The following MTCL2 variants were observed in gnomAD, a reference collection of about 807,000 sequenced individuals.
The protein encoded by MTCL2 is microtubule cross-linking factor 2.
the MTCL2 span, among the ~76,000 whole-genome samples, chr20:36,816,867 T>G: frequency 6.6e-6 from 1 of 152,238 alleles, no homozygotes; most frequent in Non-Finnish European, 1.5e-5. Flanking sequence ...ACTGTAGTGC[T>G]GCTTGCTAAG....
At chr20:36,817,565 C>T in the MTCL2 span, 2 of 1,267,394 alleles carry the variant, frequency 1.6e-6, no homozygotes, top group Non-Finnish European at 2.1e-6. Flanking sequence ...GCCCAGGGTC[C>T]AGGGAGGGCC....
chr20:36,786,106 C>G, the MTCL2 span: 1 of 989,950 alleles, frequency 1.0e-6, no homozygotes, highest in Non-Finnish European at 1.2e-6. Context: ...TCCTTTTCCC[C>G]AAAGGCATGG....
At chr20:36,797,048 C>T in the MTCL2 span, 1 of 1,078,762 alleles carries the variant, frequency 9.3e-7, no homozygotes, top group Admixed American at 1.8e-5. Flanking sequence ...GCTTGAATCT[C>T]CTCATCCGGA....
At chr20:36,791,469 C>T in the MTCL2 span, among the ~76,000 whole-genome samples, 2 of 152,166 alleles carry the variant, frequency 1.3e-5, no homozygotes, top group African/African-American at 4.8e-5. Flanking sequence ...TAGAAACCAC[C>T]TAAACGTACA....
the MTCL2 span, chr20:36,815,553 G>A: frequency 6.4e-7 from 1 of 1,571,838 alleles, no homozygotes; most frequent in Non-Finnish European, 8.6e-7. This position sits in a 1 kb window ranked among gnomAD's most constrained non-coding sequence, Gnocchi z 5.3. Context: ...CAGGGGAGCA[G>A]GCACACACTG....
the MTCL2 span, among the ~76,000 whole-genome samples, chr20:36,819,343 T>TG: frequency 5.6e-3 from 860 of 152,256 alleles, 8 homozygotes; most frequent in African/African-American, 0.02. Context: ...TTTGGATACA[T>TG]GCTTGCTCCA....
chr20:36,796,818 G>A, the MTCL2 span: 1 of 1,527,470 alleles, frequency 6.5e-7, no homozygotes, highest in South Asian at 1.1e-5. Context: ...GCAGCAGGAG[G>A]TGGAGAGGGG....
At chr20:36,787,239 T>G in the MTCL2 span, among the ~76,000 whole-genome samples, 1 of 152,126 alleles carries the variant, frequency 6.6e-6, no homozygotes, top group Non-Finnish European at 1.5e-5. Context: ...TTTATTTTTT[T>G]ATTTTTTAGA....
the MTCL2 span, chr20:36,786,254 C>T: frequency 8.2e-7 from 1 of 1,222,958 alleles, no homozygotes; most frequent in Non-Finnish European, 1.0e-6. Context: ...TGGTCTCTCT[C>T]CCACTCACTG....
chr20:36,799,494 AAAATAAATAAATAAAT>A, the MTCL2 span, among the ~76,000 whole-genome samples: 2,506 of 147,100 alleles, frequency 0.017, 64 homozygotes, highest in African/African-American at 0.059. Flanking sequence ...CTCCATCTCA[AAAATAAATAAATAAAT>A]AAATAAATAA....
the MTCL2 span, among the ~76,000 whole-genome samples, chr20:36,791,312 C>T: frequency 6.6e-6 from 1 of 152,224 alleles, no homozygotes; most frequent in South Asian, 2.1e-4. Flanking sequence ...GGATTACAGG[C>T]ATGAGCCACC....
chr20:36,806,338 A>G, the MTCL2 span, among the ~76,000 whole-genome samples: 1 of 152,284 alleles, frequency 6.6e-6, no homozygotes, highest in African/African-American at 2.4e-5. Flanking sequence ...GATGGAAATA[A>G]GACAAAAGGG....
the MTCL2 span, among the ~76,000 whole-genome samples, chr20:36,831,620 C>T: frequency 3.3e-5 from 5 of 152,080 alleles, no homozygotes; most frequent in Non-Finnish European, 7.4e-5. Context: ...CAGGCATGGC[C>T]TCTCCCTCCC....
chr20:36,853,879 G>A, the MTCL2 span, among the ~76,000 whole-genome samples: 4 of 152,306 alleles, frequency 2.6e-5, no homozygotes, highest in South Asian at 4.1e-4. Flanking sequence ...GGGCATTCGT[G>A]TCAGGAAGCG....
chr20:36,807,214 G>T, the MTCL2 span, among the ~76,000 whole-genome samples: 1 of 152,202 alleles, frequency 6.6e-6, no homozygotes, highest in Admixed American at 6.5e-5. Flanking sequence ...CTGCGAGAAT[G>T]ATGAGCCCCA....
chr20:36,840,520 AG>A, the MTCL2 span, among the ~76,000 whole-genome samples: 2,938 of 151,830 alleles, frequency 0.019, 107 homozygotes, highest in African/African-American at 0.068. Context: ...CAGAAGCAAC[AG>A]GAACACACTG....
At chr20:36,815,947 C>T in the MTCL2 span, 45 of 1,613,030 alleles carry the variant, frequency 2.8e-5, no homozygotes, top group Middle Eastern at 1.6e-4. The surrounding 1 kb of genome is among the most constrained non-coding windows in gnomAD (Gnocchi z 5.3). Flanking sequence ...CCACCCAGCG[C>T]GGAGAAGGCC....
chr20:36,812,830 C>T, the MTCL2 span: 1 of 1,612,206 alleles, frequency 6.2e-7, no homozygotes, highest in African/African-American at 1.3e-5. Flanking sequence ...CCGGCAGGTC[C>T]CTGAAGTCAG....
the MTCL2 span, among the ~76,000 whole-genome samples, chr20:36,823,634 C>T: frequency 2.0e-5 from 3 of 152,084 alleles, no homozygotes; most frequent in African/African-American, 7.2e-5. Context: ...TAGTGAGAGA[C>T]CCCATCTCTT....
Sources: gnomAD v4.1 joint callset for allele counts (sites outside exome capture counted in the v4.1 genomes callset) on GRCh38, gnomAD v4.1.1 for gene constraint, Gnocchi (gnomAD v3.1) non-coding constraint, MANE v1.5 for transcripts, NCBI Gene and HGNC (gene_info 2026-07-23, HGNC 2026-07-21) for gene names.